ANKS1B: variants seen among roughly 807,000 people sequenced by gnomAD.
ANKS1B encodes ankyrin repeat and sterile alpha motif domain containing 1B.
Under a neutral mutation model 148.3 loss-of-function variants are expected in ANKS1B, and 36 were observed. The ratio of observed to expected loss-of-function variants is 0.24; its 90% confidence interval spans 0.19 to 0.32. The LOEUF (loss-of-function observed/expected upper bound fraction) is 0.32, where lower values mean the gene tolerates loss of function less well. ANKS1B is among the 10% of genes least tolerant of loss of function. The pLI is 1.00. For synonymous variants in ANKS1B, 542 were observed against 560.8 expected (o/e 0.97, Z 0.47); for missense variants, 1,157 against 1,542.6 (o/e 0.75, Z 4.19).
intron 12 of ANKS1B, among the ~76,000 whole-genome samples, chr12:99,331,637 T>C (rs1038329274): frequency 1.3e-5 from 2 of 151,992 alleles, no homozygotes; most frequent in Admixed American, 1.3e-4. Context: ...AATTGGCCTT[T>C]GTAGGGGTGA....
At chr12:99,757,177 A>C (rs1290402332) in intron 8 of ANKS1B, among the ~76,000 whole-genome samples, 1 of 152,114 alleles carries the variant, frequency 6.6e-6, no homozygotes, top group Non-Finnish European at 1.5e-5. Flanking sequence ...ACATATTGGG[A>C]GAAAATTTTT....
chr12:98,794,762 A>G (rs769843915), intron 22 of ANKS1B: 351 of 1,160,520 alleles, frequency 3.0e-4, no homozygotes, highest in Non-Finnish European at 4.1e-4. Context: ...TACTGATGCA[A>G]TGAAGAGAAT....
chr12:99,419,176 A>C (rs1415101684), intron 11 of ANKS1B, among the ~76,000 whole-genome samples: 2 of 152,138 alleles, frequency 1.3e-5, no homozygotes, highest in East Asian at 3.8e-4. Context: ...GATTGTTTAG[A>C]GTTAGTGTTA....
intron 1 of ANKS1B, among the ~76,000 whole-genome samples, chr12:99,904,754 C>T (rs1460360354): frequency 6.6e-6 from 1 of 152,168 alleles, no homozygotes; most frequent in Non-Finnish European, 1.5e-5. Context: ...GAATCTGGGA[C>T]TCCATTTTTT....
At chr12:99,107,294 G>C (rs949418476) in intron 15 of ANKS1B, among the ~76,000 whole-genome samples, 2 of 152,030 alleles carry the variant, frequency 1.3e-5, no homozygotes, top group African/African-American at 4.8e-5. Flanking sequence ...CTCACTCTTT[G>C]GGTTGCGGTG....
chr12:99,033,003 T>C (rs75094527), intron 17 of ANKS1B, among the ~76,000 whole-genome samples: 17 of 152,324 alleles, frequency 1.1e-4, no homozygotes, highest in Non-Finnish European at 1.9e-4. Flanking sequence ...GGCAAAACAT[T>C]TCTTGCAAAT....
intron 17 of ANKS1B, among the ~76,000 whole-genome samples, chr12:98,998,062 A>G (rs530822370): frequency 6.6e-5 from 10 of 152,324 alleles, no homozygotes; most frequent in African/African-American, 2.2e-4. Flanking sequence ...TGTTCCATGT[A>G]TAACCTGTCC....
At chr12:98,996,213 G>C (rs1028801048) in intron 17 of ANKS1B, among the ~76,000 whole-genome samples, 2 of 152,068 alleles carry the variant, frequency 1.3e-5, no homozygotes, top group African/African-American at 4.8e-5. Flanking sequence ...CTGTTTCCAA[G>C]TTGAAGAGGA....
chr12:98,975,947 C>T (rs376771031), intron 17 of ANKS1B, among the ~76,000 whole-genome samples: 1 of 152,178 alleles, frequency 6.6e-6, no homozygotes, highest in East Asian at 1.9e-4. Flanking sequence ...CACCAAACCA[C>T]GTGCTGAGTA....
intron 1 of ANKS1B, among the ~76,000 whole-genome samples, chr12:99,918,328 G>A (rs533751805): frequency 8.3e-4 from 126 of 152,264 alleles, no homozygotes; most frequent in Middle Eastern, 3.4e-3. Flanking sequence ...TGTACTTCCC[G>A]TTCTCTCAAC....
intron 17 of ANKS1B, among the ~76,000 whole-genome samples, chr12:98,874,050 T>TGAA (rs2099680472): frequency 1.3e-5 from 2 of 152,206 alleles, no homozygotes; most frequent in African/African-American, 2.4e-5. Context: ...ATTATCTGTC[T>TGAA]GCCTCTTTTC....
intron 8 of ANKS1B, among the ~76,000 whole-genome samples, chr12:99,663,746 C>T (rs10745866): frequency 0.45 from 67,934 of 151,882 alleles, 15,907 homozygotes; most frequent in South Asian, 0.6. Flanking sequence ...TATTGAAGGA[C>T]AGAATTGCTA....
chr12:99,534,092 T>C (rs79272980), intron 9 of ANKS1B, among the ~76,000 whole-genome samples: 1,598 of 152,302 alleles, frequency 0.01, 41 homozygotes, highest in African/African-American at 0.037. Flanking sequence ...AATCTGTGAC[T>C]TGAATCCTTG....
chr12:99,599,986 A>C (rs2097788251), intron 9 of ANKS1B, among the ~76,000 whole-genome samples: 1 of 152,008 alleles, frequency 6.6e-6, no homozygotes, highest in Non-Finnish European at 1.5e-5. Flanking sequence ...TGCTGGTCCC[A>C]GTGAGTTCCA....
intron 15 of ANKS1B, among the ~76,000 whole-genome samples, chr12:99,086,610 C>T (rs900514447): frequency 1.3e-5 from 2 of 152,178 alleles, no homozygotes; most frequent in African/African-American, 4.8e-5. Flanking sequence ...CCACAATGTC[C>T]AAGGACCAGT....
At chr12:98,985,118 T>C (rs997337065) in intron 17 of ANKS1B, among the ~76,000 whole-genome samples, 6 of 152,160 alleles carry the variant, frequency 3.9e-5, no homozygotes, top group African/African-American at 1.4e-4. Flanking sequence ...TTTATTTTAT[T>C]TATTATTTTA....
At chr12:99,015,635 G>A (rs1469994014) in intron 17 of ANKS1B, among the ~76,000 whole-genome samples, 3 of 152,164 alleles carry the variant, frequency 2.0e-5, no homozygotes, top group African/African-American at 7.2e-5. Context: ...GAGAGGCCGA[G>A]GTGGGCGGAT....
chr12:99,593,680 T>G (rs543073212), intron 9 of ANKS1B, among the ~76,000 whole-genome samples: 1 of 152,220 alleles, frequency 6.6e-6, no homozygotes, highest in East Asian at 1.9e-4. Context: ...AGCAGACAGC[T>G]TTTACATTTA....
At chr12:99,632,015 C>T (rs1016678581) in intron 9 of ANKS1B, among the ~76,000 whole-genome samples, 44 of 152,118 alleles carry the variant, frequency 2.9e-4, no homozygotes, top group African/African-American at 1.0e-3. Context: ...TCAAGGCTCT[C>T]CCATCACAGG....
Sources: gnomAD v4.1 joint callset for allele counts (sites outside exome capture counted in the v4.1 genomes callset) on GRCh38, gnomAD v4.1.1 for gene constraint, MANE v1.5 for transcripts, NCBI Gene and HGNC (gene_info 2026-07-23, HGNC 2026-07-21) for gene names.